The following LRCH1 variants were observed in gnomAD, a reference collection of about 807,000 sequenced individuals.
The protein encoded by LRCH1 is leucine-rich repeat and calponin homology domain-containing protein 1.
LRCH1 carries 23 observed loss-of-function variants against 94.9 expected under a neutral mutation model. The ratio of observed to expected loss-of-function variants is 0.24; its 90% CI spans 0.17 to 0.34. LRCH1 has a LOEUF of 0.34. LRCH1 is among the 10% of genes least tolerant of loss of function. The pLI is 1.00. For synonymous variants in LRCH1, 364 were observed against 354.9 expected (o/e 1.03, Z -0.29); for missense variants, 790 against 945.9 (o/e 0.84, Z 2.16).
intron 3 of LRCH1, among the ~76,000 whole-genome samples, chr13:46,677,335 G>A (rs1046642535): frequency 5.9e-5 from 9 of 151,938 alleles, no homozygotes; most frequent in African/African-American, 1.2e-4. Flanking sequence ...AGACTGAGGC[G>A]GGAGAATCGC....
intron 1 of LRCH1, among the ~76,000 whole-genome samples, chr13:46,584,567 G>T (rs1416029566): frequency 6.6e-6 from 1 of 152,236 alleles, no homozygotes; most frequent in Admixed American, 6.5e-5. Flanking sequence ...AAAGATGCAG[G>T]TGCCTTCTTT....
chr13:46,635,388 G>A (rs1358373960), intron 1 of LRCH1, among the ~76,000 whole-genome samples: 2 of 151,158 alleles, frequency 1.3e-5, no homozygotes, highest in Non-Finnish European at 2.9e-5. Context: ...TCGCTGGCTA[G>A]TCTCCCTTGC....
chr13:46,715,800 A>G lies in LRCH1; in HGVS notation c.1759+136A>G, dbSNP rs1230502840. ...TATGAGAAATAATGTGTAAGCCTGG[A>G]AAGTGAAGTCCAGAAAAGTGCACGT... On this transcript the variant is annotated intron_variant, in intron 16 of 19. Coordinates refer to ENST00000389797, the MANE Select transcript of LRCH1 (RefSeq NM_001164211.2). The G allele has an allele frequency of 4.8e-6, 3 of 619,076 alleles. No individual in the cohort carries two copies. In the Admixed American group the frequency reaches 7.2e-5, roughly 15 times the overall value. The allele number at this position is 619,076 out of a possible 1,614,324, so 38.3% of individuals were successfully genotyped here. A position where few individuals can be genotyped will look rare whatever the true frequency, so the allele number is the denominator to read the frequency against.
chr13:46,718,077 C>T (rs1156744707), intron 16 of LRCH1, among the ~76,000 whole-genome samples: 1 of 152,204 alleles, frequency 6.6e-6, no homozygotes, highest in East Asian at 1.9e-4. Context: ...GCTTTTCCCC[C>T]TGCTCTTGTG....
chr13:46,698,791 AT>A (rs1246736826), intron 9 of LRCH1, among the ~76,000 whole-genome samples: 1 of 152,232 alleles, frequency 6.6e-6, no homozygotes, highest in African/African-American at 2.4e-5. Context: ...AAATTTAAAA[AT>A]GTTTAATTAT....
rs544180738 is a variant in LRCH1 at position 46,588,224 on chromosome 13, A to T, written c.307+34521A>T. Among the ~76,000 whole-genome samples, 4 of 152,312 alleles carry T rather than the reference A, an allele frequency of 2.6e-5. No individual in the cohort carries two copies. In the East Asian group the frequency reaches 7.7e-4, roughly 29 times the overall value. On this transcript the variant is annotated intron_variant, in intron 1 of 19. Coordinates refer to ENST00000389797, the MANE Select transcript of LRCH1 (RefSeq NM_001164211.2). Reference sequence around the variant, plus strand: ...TCGCTCTCATCTGAAGTAATAAAATATTTTTTATTTACATAGTCAATCTGG... The same window carrying T: ...TCGCTCTCATCTGAAGTAATAAAATTTTTTTTATTTACATAGTCAATCTGG...
intron 18 of LRCH1, among the ~76,000 whole-genome samples, chr13:46,732,038 T>A (rs1873135980): frequency 6.6e-6 from 1 of 152,168 alleles, no homozygotes; most frequent in Admixed American, 6.5e-5. Flanking sequence ...AGCCTGGGGA[T>A]TTTGTCTTTG....
At chr13:46,562,724 T>G (rs1241200336) in intron 1 of LRCH1, among the ~76,000 whole-genome samples, 1 of 152,176 alleles carries the variant, frequency 6.6e-6, no homozygotes. Flanking sequence ...CTTGGACTTG[T>G]GTGAGGCTGC....
Position 46,694,996 on chromosome 13 carries a change from TTCGGAA to T in LRCH1, c.1226_1231del (p.Ser409_Glu410del), listed in dbSNP as rs1871102548. 6.2e-7 allele frequency: 1 copy of T among 1,614,016 alleles called. No individual in the cohort carries two copies. Among genetic ancestry groups the T allele is most frequent in the Non-Finnish European group, 8.5e-7 (1 of 1,179,926 alleles). ...TTACTGATAGAGCAGATGGTCTCCA[TTCGGAA>T]TTTATGAACTATAAGGCAAGATTTT... On this transcript the variant is annotated inframe_deletion, in exon 9 of 20. Coordinates refer to ENST00000389797, the MANE Select transcript of LRCH1 (RefSeq NM_001164211.2).
intron 1 of LRCH1, among the ~76,000 whole-genome samples, chr13:46,637,101 T>G (rs1325753054): frequency 6.6e-6 from 1 of 152,226 alleles, no homozygotes; most frequent in Non-Finnish European, 1.5e-5. Flanking sequence ...GGCAACTCCG[T>G]TCTTCCAATT....
At chr13:46,592,154 C>T (rs1017523495) in intron 1 of LRCH1, among the ~76,000 whole-genome samples, 7 of 152,184 alleles carry the variant, frequency 4.6e-5, no homozygotes, top group South Asian at 2.1e-4. Flanking sequence ...TTTTAAGGTA[C>T]GGCGCCTCGT....
At position 46,682,197 on chromosome 13, in the gene LRCH1, C is replaced by G. The variant is rs530141884; in HGVS notation, c.685+351C>G. 2.6e-5 allele frequency among the ~76,000 whole-genome samples: 4 copies of G among 152,108 alleles called. No individual in the cohort carries two copies. The East Asian group carries it at 7.8e-4, about 30-fold the overall frequency. ...TTCTCACAATTTTGGAGGCTGGATG[C>G]CTGGGATCAAGGTGCCAGCAGGGTT... On this transcript the variant is annotated intron_variant, in intron 4 of 19. Coordinates refer to ENST00000389797, the MANE Select transcript of LRCH1 (RefSeq NM_001164211.2).
At chr13:46,727,082 C>T (rs868035694) in intron 17 of LRCH1, among the ~76,000 whole-genome samples, 1 of 151,970 alleles carries the variant, frequency 6.6e-6, no homozygotes, top group African/African-American at 2.4e-5. Flanking sequence ...TTTAAACCAG[C>T]CATGATGAAA....
intron 19 of LRCH1, among the ~76,000 whole-genome samples, chr13:46,740,030 T>G (rs970467638): frequency 3.9e-5 from 6 of 152,372 alleles, no homozygotes; most frequent in Admixed American, 3.9e-4. Flanking sequence ...ATGAAAATAC[T>G]AGTTTTGTGA....
Position 46,563,217 on chromosome 13 carries a change from G to T in LRCH1, c.307+9514G>T, listed in dbSNP as rs2050147950. On this transcript the variant is annotated intron_variant, in intron 1 of 19. Coordinates refer to ENST00000389797, the MANE Select transcript of LRCH1 (RefSeq NM_001164211.2). Reference sequence around the variant, plus strand: ...GCATAGCCAAAAATATAAAGGCATAGTTCCACCTAGTTTGAATTGGATGAG... The same window carrying T: ...GCATAGCCAAAAATATAAAGGCATATTTCCACCTAGTTTGAATTGGATGAG... Among the ~76,000 whole-genome samples the T allele has an allele frequency of 2.0e-5, 3 of 152,120 alleles. No individual in the cohort carries two copies. The South Asian group carries it at 6.2e-4, about 32-fold the overall frequency.
chr13:46,630,948 A>G (rs1375910627), intron 1 of LRCH1, among the ~76,000 whole-genome samples: 1 of 152,196 alleles, frequency 6.6e-6, no homozygotes, highest in Non-Finnish European at 1.5e-5. Flanking sequence ...TTCTGCCTTC[A>G]GGGACATATG....
At chr13:46,729,029 T>C (rs761858203) in intron 18 of LRCH1, 45 bp downstream of exon 18, 5 of 1,566,316 alleles carry the variant, frequency 3.2e-6, no homozygotes, top group Non-Finnish European at 4.4e-6. Flanking sequence ...AACAGACCTT[T>C]AGGGGGCACT....
intron 18 of LRCH1, among the ~76,000 whole-genome samples, chr13:46,731,785 C>T (rs547845894): frequency 8.5e-5 from 13 of 152,252 alleles, no homozygotes; most frequent in African/African-American, 2.9e-4. Flanking sequence ...AGGCAGCTCC[C>T]TCTGCCTAGA....
At chr13:46,704,199 G>A (rs1444167452) in intron 11 of LRCH1, among the ~76,000 whole-genome samples, 2 of 152,052 alleles carry the variant, frequency 1.3e-5, no homozygotes, top group African/African-American at 4.8e-5. Flanking sequence ...ATATAGAGAG[G>A]ACACTTGAAG....
Sources: allele counts gnomAD v4.1 joint callset (sites outside exome capture counted in the v4.1 genomes callset), GRCh38; gene constraint gnomAD v4.1.1; transcripts MANE v1.5; gene names NCBI Gene and HGNC (gene_info 2026-07-23, HGNC 2026-07-21).